SUMF1: variants seen among roughly 807,000 people sequenced by gnomAD.
SUMF1 encodes sulfatase modifying factor 1.
In SUMF1, 48 loss-of-function variants were observed where a neutral mutation model predicts 47.6. The observed-to-expected ratio is 1.01, with a 90% CI of 0.80 to 1.28. SUMF1 has a LOEUF of 1.28. Ranked by LOEUF, SUMF1 falls within the 50% of genes most tolerant of loss-of-function variation. The pLI, the probability that SUMF1 is intolerant of heterozygous loss-of-function variation, is 0.00. For synonymous variants in SUMF1, 230 were observed against 192.1 expected, an observed-to-expected ratio of 1.20 and a Z score of -1.63; for missense variants, 571 against 485.4, an observed-to-expected ratio of 1.18 and a Z score of -1.66.
At chr3:4,308,939 G>A (rs959323870) in intron 8 of SUMF1, among the ~76,000 whole-genome samples, 3 of 152,232 alleles carry the variant, frequency 2.0e-5, no homozygotes, top group South Asian at 2.1e-4. Context: ...ACATGTATCC[G>A]AAGTGGTTGG....
chr3:4,369,024 G>T (rs1391725291), intron 8 of SUMF1, among the ~76,000 whole-genome samples: 1 of 151,644 alleles, frequency 6.6e-6, no homozygotes, highest in Non-Finnish European at 1.5e-5. Context: ...GACTCAGGGG[G>T]AAGATAAGTT....
At chr3:4,367,603 A>AACCAAAACAACATGGTACTGGT (rs1248692520) in intron 8 of SUMF1, among the ~76,000 whole-genome samples, 5 of 152,098 alleles carry the variant, frequency 3.3e-5, no homozygotes, top group Non-Finnish European at 7.4e-5. Flanking sequence ...AGGCTACAGT[A>AACCAAAACAACATGGTACTGGT]ACCAAAACAA....
At chr3:4,359,502 G>A (rs1159336585), downstream of SUMF1, among the ~76,000 whole-genome samples, 2 of 152,102 alleles carry the variant, frequency 1.3e-5, no homozygotes, top group East Asian at 1.9e-4. Context: ...TTATAACTCC[G>A]TGTTCACACT....
At chr3:4,072,440 A>G (rs987426042) in intron 8 of SUMF1, among the ~76,000 whole-genome samples, 1 of 152,176 alleles carries the variant, frequency 6.6e-6, no homozygotes, top group African/African-American at 2.4e-5. Context: ...TGAGGGTCAC[A>G]ACTCCTCACC....
intron 2 of SUMF1, among the ~76,000 whole-genome samples, chr3:4,452,494 A>T (rs1268297412): frequency 2.6e-5 from 4 of 152,284 alleles, no homozygotes; most frequent in Non-Finnish European, 5.9e-5. Context: ...AAGTGGTCTT[A>T]CTTTACATGC....
intron 7 of SUMF1, among the ~76,000 whole-genome samples, chr3:4,385,726 T>G (rs538232104): frequency 6.6e-6 from 1 of 152,316 alleles, no homozygotes; most frequent in East Asian, 1.9e-4. Flanking sequence ...TCAGATTTTC[T>G]CCTGTGTTTT....
At chr3:4,179,812 T>C (rs1163669574) in intron 8 of SUMF1, among the ~76,000 whole-genome samples, 1 of 151,980 alleles carries the variant, frequency 6.6e-6, no homozygotes, top group Non-Finnish European at 1.5e-5. Flanking sequence ...AGGGCTAAGA[T>C]CCAGAATCTA....
chr3:4,105,775 C>A (rs1031484144), intron 8 of SUMF1, among the ~76,000 whole-genome samples: 1 of 152,060 alleles, frequency 6.6e-6, no homozygotes, highest in Non-Finnish European at 1.5e-5. Context: ...CCAGAGAAAT[C>A]TATATCATAA....
chr3:4,457,764 G>A (rs1348439943), intron 1 of SUMF1, among the ~76,000 whole-genome samples: 3 of 152,162 alleles, frequency 2.0e-5, no homozygotes, highest in Admixed American at 1.3e-4. Context: ...AGACTTAAAT[G>A]TACAGTCTGA....
intron 8 of SUMF1, chr3:4,312,979 A>T: frequency 1.9e-6 from 3 of 1,613,886 alleles, no homozygotes; most frequent in Non-Finnish European, 2.5e-6. Context: ...TTGTGTCAAA[A>T]CTCCCTGCCT....
At chr3:4,363,446 G>C (rs919127603) in intron 8 of SUMF1, among the ~76,000 whole-genome samples, 3 of 152,056 alleles carry the variant, frequency 2.0e-5, no homozygotes, top group East Asian at 1.9e-4. Context: ...CACGTCCCTT[G>C]TAAGGTGGAT....
At chr3:4,409,585 T>C (rs568370157) in intron 7 of SUMF1, among the ~76,000 whole-genome samples, 2 of 152,346 alleles carry the variant, frequency 1.3e-5, no homozygotes, top group South Asian at 4.1e-4. Context: ...AAAAAAATTC[T>C]ATTTCTGATT....
Position 4,072,471 on chromosome 3 carries a change from T to C in SUMF1, c.1015-3726A>G, listed in dbSNP as rs147638127. ...TCACCAGCAAGGGAACAAAACTGGATAGAGAATGAGTTTGACAAGTTGACA... is the reference window on the plus strand; with the variant it reads ...TCACCAGCAAGGGAACAAAACTGGACAGAGAATGAGTTTGACAAGTTGACA... On this transcript the variant is annotated intron_variant and NMD_transcript_variant, in intron 8 of 12. Coordinates refer to the SUMF1 transcript ENST00000448413. Among the ~76,000 whole-genome samples, 488 of 152,134 alleles carry C rather than the reference T, an allele frequency of 3.2e-3. 4 individuals are homozygous for C. The highest frequency in any genetic ancestry group is 0.02 in the Middle Eastern group (6 of 294).
chr3:4,331,704 C>G (rs1699055213), intron 8 of SUMF1, among the ~76,000 whole-genome samples: 1 of 152,178 alleles, frequency 6.6e-6, no homozygotes. Context: ...GTGGCACACA[C>G]CTGTAATCCC....
chr3:4,266,662 A>G (rs1365210293), intron 8 of SUMF1, among the ~76,000 whole-genome samples: 1 of 151,708 alleles, frequency 6.6e-6, no homozygotes, highest in African/African-American at 2.4e-5. Context: ...CAATCATGTC[A>G]TCTGCAAACA....
intron 8 of SUMF1, among the ~76,000 whole-genome samples, chr3:4,318,744 C>T (rs1040106093): frequency 2.0e-5 from 3 of 152,124 alleles, no homozygotes; most frequent in South Asian, 4.1e-4. Context: ...CCTGTCCATA[C>T]TAAAACTACA....
intron 9 of SUMF1, among the ~76,000 whole-genome samples, chr3:4,052,366 T>C (rs762426509): frequency 1.3e-5 from 2 of 152,190 alleles, no homozygotes; most frequent in Non-Finnish European, 2.9e-5. Context: ...GACACAAATA[T>C]TCAAGCACAG....
chr3:4,249,837 G>C (rs141735673), intron 8 of SUMF1, among the ~76,000 whole-genome samples: 10 of 152,088 alleles, frequency 6.6e-5, no homozygotes, highest in Non-Finnish European at 1.0e-4. Context: ...AAACTTCTCC[G>C]AGGAAATTAA....
chr3:4,313,066 G>A, intron 8 of SUMF1: 2 of 1,613,936 alleles, frequency 1.2e-6, no homozygotes, highest in East Asian at 2.2e-5. Context: ...AGGATCTGGA[G>A]GAAAGTATGC....
Sources: allele counts gnomAD v4.1 joint callset (sites outside exome capture counted in the v4.1 genomes callset), GRCh38; gene constraint gnomAD v4.1.1; transcripts MANE v1.5; gene names NCBI Gene and HGNC (gene_info 2026-07-23, HGNC 2026-07-21).